SUCLG1: variants seen among roughly 807,000 people sequenced by gnomAD.
SUCLG1 encodes succinate-CoA ligase GDP/ADP-forming subunit alpha.
Under a neutral mutation model 37.3 loss-of-function variants are expected in SUCLG1, and 26 were observed. The observed-to-expected ratio is 0.70, with a 90% confidence interval of 0.51 to 0.97. SUCLG1 has a LOEUF of 0.97. Among genes scored for constraint, SUCLG1 ranks in the 50% least tolerant of loss-of-function variants. The probability of loss-of-function intolerance (pLI) is 0.00; values close to 1 mark genes in which losing one functional copy is unlikely to be tolerated. For synonymous variants in SUCLG1, 163 were observed against 155.6 expected (o/e 1.05, Z -0.36); for missense variants, 433 against 432.9 (o/e 1.00, Z 0.00).
intron 2 of SUCLG1, among the ~76,000 whole-genome samples, chr2:84,445,441 T>G (rs1042142623): frequency 4.6e-5 from 7 of 152,086 alleles, no homozygotes; most frequent in Non-Finnish European, 1.0e-4. Flanking sequence ...CCCACATATC[T>G]AAGCCTTGAA....
intron 5 of SUCLG1, among the ~76,000 whole-genome samples, chr2:84,436,835 T>C (rs1672693046): frequency 1.3e-5 from 2 of 152,190 alleles, no homozygotes; most frequent in Admixed American, 1.3e-4. Flanking sequence ...GGTCAATAAA[T>C]AAGAGTCTTC....
At chr2:84,443,156 C>T (rs1263360678) in intron 3 of SUCLG1, 128 bp downstream of exon 3, 3 of 861,136 alleles carry the variant, frequency 3.5e-6, no homozygotes, top group Non-Finnish European at 6.0e-6. Flanking sequence ...ATTCAAATTT[C>T]TCTAGGTTAC....
At chr2:84,444,445 A>G (rs182744145) in intron 2 of SUCLG1, among the ~76,000 whole-genome samples, 2 of 152,172 alleles carry the variant, frequency 1.3e-5, no homozygotes, top group Non-Finnish European at 2.9e-5. Context: ...GGAGTGTACA[A>G]ATAGGGTGTG....
Position 84,431,613 on chromosome 2 carries a change from G to C in SUCLG1, c.720C>G (p.Leu240=), listed in dbSNP as rs145973147. The C allele has an allele frequency of 4.3e-6, 7 of 1,613,892 alleles. No individual in the cohort carries two copies. Residue 240 remains leucine (L), a synonymous_variant, in exon 7 of 9, where the codon CTC becomes CTG. Coordinates refer to ENST00000393868, the MANE Select transcript of SUCLG1 (RefSeq NM_003849.4). ...PFNGTDFIDC[L]EIFLNDSATE... ...TGGCAGAATCGTTCAAAAAGATTTC[G>C]AGGCAGTCAATAAAATCTGTTCCAT...
At chr2:84,456,195 G>A (rs1385311981) in intron 1 of SUCLG1, among the ~76,000 whole-genome samples, 2 of 152,078 alleles carry the variant, frequency 1.3e-5, no homozygotes, top group Non-Finnish European at 2.9e-5. Flanking sequence ...CAACACCTTT[G>A]AGCAGGATAG....
Position 84,431,607 on chromosome 2 carries a change from G to T in SUCLG1, c.726C>A (p.Ile242=), listed in dbSNP as rs767234604. The T allele has an allele frequency of 3.7e-6, 6 of 1,613,840 alleles. No individual in the cohort carries two copies. Among genetic ancestry groups the T allele is most frequent in the East Asian group, 2.2e-5 (1 of 44,868 alleles). ...CTTCTGTGGCAGAATCGTTCAAAAA[G>T]ATTTCGAGGCAGTCAATAAAATCTG... is the stretch of plus-strand genomic sequence containing the variant. ...NGTDFIDCLE[I]FLNDSATEGI... is the part of the protein sequence containing the mutation. The change falls in exon 7 of 9, where the codon ATC becomes ATA. Residue 242 remains isoleucine (I), a synonymous_variant. Coordinates refer to ENST00000393868, the MANE Select transcript of SUCLG1 (RefSeq NM_003849.4).
chr2:84,445,238 A>G (rs1484614531), intron 2 of SUCLG1, among the ~76,000 whole-genome samples: 2 of 152,224 alleles, frequency 1.3e-5, no homozygotes, highest in African/African-American at 4.8e-5. Flanking sequence ...ATAAATGTCT[A>G]TGAAATCTTC....
At chr2:84,439,064 A>G (rs1315934966) in intron 5 of SUCLG1, among the ~76,000 whole-genome samples, 2 of 152,144 alleles carry the variant, frequency 1.3e-5, no homozygotes, top group Non-Finnish European at 2.9e-5. Context: ...CTTCAGGTCC[A>G]TGCCACCTTT....
chr2:84,459,132 T>C, intron 1 of SUCLG1, 41 bp downstream of exon 1: 1 of 1,524,042 alleles, frequency 6.6e-7, no homozygotes, highest in Non-Finnish European at 8.9e-7. Flanking sequence ...GCGGGGCCAA[T>C]AACCCGCGGG....
rs1323075699 is a variant in SUCLG1, at chr2:84,459,204, G to A, written c.66C>T (p.Ala22=). 5.2e-6 allele frequency: 8 copies of A among 1,550,066 alleles called. No homozygotes were observed. In the East Asian group the frequency reaches 2.0e-4, roughly 38 times the overall value. The part of the protein sequence containing the change: ...ATMVSGSSGL[A]AARLLSRSFL... The stretch of plus-strand genomic sequence containing the variant: ...AGCTGCGCGACAGGAGACGGGCGGC[G>A]GCGAGGCCGCTGCTGCCGGAGACCA... The change falls in exon 1 of 9, where the codon GCC becomes GCT. Residue 22 remains alanine (A), a synonymous_variant. Transcript: ENST00000393868.
Position 84,441,046 on chromosome 2 carries a change from C to A in SUCLG1, c.589+1G>T, listed in dbSNP as rs201416100. On this transcript the variant is annotated splice_donor_variant, in intron 5 of 8. Coordinates refer to ENST00000393868, the MANE Select transcript of SUCLG1 (RefSeq NM_003849.4). LOFTEE classifies it high-confidence loss of function. The stretch of plus-strand genomic sequence containing the variant: ...TATAAGAATGTAACAAACAAACTCA[C>A]CAATCCTTCCTTTTTTGTGAATATG... The A allele has an allele frequency of 6.2e-7, 1 of 1,613,946 alleles. No homozygotes were observed. Among genetic ancestry groups the A allele is most frequent in the East Asian group, 2.2e-5 (1 of 44,882 alleles).
At chr2:84,444,837 A>T (rs1437457128) in intron 2 of SUCLG1, among the ~76,000 whole-genome samples, 4 of 152,094 alleles carry the variant, frequency 2.6e-5, no homozygotes, top group Admixed American at 1.3e-4. Flanking sequence ...GAATTCAGAG[A>T]TATTTCTCCC....
Position 84,433,195 on chromosome 2 carries a change from A to G in SUCLG1, c.673+157T>C, listed in dbSNP as rs185523060. 1.5e-4 allele frequency: 113 copies of G among 732,060 alleles called. No individual in the cohort carries two copies. The African/African-American group carries it at 1.7e-3, about 11-fold the overall frequency. The allele number at this position is 732,060 out of a possible 1,614,324, so 45.3% of individuals were successfully genotyped here. On this transcript the variant is annotated intron_variant, in intron 6 of 8. Coordinates refer to ENST00000393868, the MANE Select transcript of SUCLG1 (RefSeq NM_003849.4). ...CCATGAATCTTGAAACAACTACAGA[A>G]TAACTTTACACTTAAGCAAATTAAA... is the stretch of plus-strand genomic sequence containing the variant.
At chr2:84,458,428 A>G (rs927561764) in intron 1 of SUCLG1, 4 of 152,248 alleles carry the variant, frequency 2.6e-5, no homozygotes, top group African/African-American at 9.7e-5. Flanking sequence ...GGCTGATTCC[A>G]AAGTTTCTTT....
At chr2:84,450,138 A>G (rs1440458208) in intron 1 of SUCLG1, among the ~76,000 whole-genome samples, 2 of 152,164 alleles carry the variant, frequency 1.3e-5, no homozygotes, top group African/African-American at 4.8e-5. Context: ...TGTTTACTAA[A>G]CAGCCACGTT....
intron 3 of SUCLG1, among the ~76,000 whole-genome samples, chr2:84,441,769 C>G (rs1460927761): frequency 1.3e-5 from 2 of 152,134 alleles, no homozygotes; most frequent in Non-Finnish European, 2.9e-5. Flanking sequence ...ATATCATCCA[C>G]AAATGATGCC....
At chr2:84,434,832 T>G (rs561209221) in intron 5 of SUCLG1, among the ~76,000 whole-genome samples, 1 of 152,358 alleles carries the variant, frequency 6.6e-6, no homozygotes, top group South Asian at 2.1e-4. Context: ...ACTAAGTGTG[T>G]GACCTATGCA....
chr2:84,452,729 A>C (rs1020532715), intron 1 of SUCLG1, among the ~76,000 whole-genome samples: 6 of 152,178 alleles, frequency 3.9e-5, no homozygotes, highest in Non-Finnish European at 8.8e-5. Context: ...CCCACTGCTA[A>C]CTGTAAACTC....
In SUCLG1 at chr2:84,456,277, T is replaced by C. The variant is rs72937152; in HGVS notation, c.97+2896A>G. Among the ~76,000 whole-genome samples the C allele has an allele frequency of 4.7e-3, 720 of 152,262 alleles. 5 individuals are homozygous for C. Among genetic ancestry groups the C allele is most frequent in the African/African-American group, 0.015 (642 of 41,530 alleles). ...TTCGAAAAAAGCTTAAGTTATCACA[T>C]GGTACATGCTGGCGGAAAGGATACT... On this transcript the variant is annotated intron_variant, in intron 1 of 8. Transcript: ENST00000393868.
Sources: allele counts gnomAD v4.1 joint callset (sites outside exome capture counted in the v4.1 genomes callset), GRCh38; gene constraint gnomAD v4.1.1; transcripts MANE v1.5; gene names NCBI Gene and HGNC (gene_info 2026-07-23, HGNC 2026-07-21).